The following SMAD4 variants were observed in gnomAD, a reference collection of about 807,000 sequenced individuals.
SMAD4 encodes the protein SMAD family member 4, also known as MAD homolog 4.
SMAD4 carries 7 observed loss-of-function variants against 63.2 expected under a neutral mutation model. The observed-to-expected ratio is 0.11, with a 90% CI of 0.06 to 0.21. The LOEUF (loss-of-function observed/expected upper bound fraction) is 0.21. Ranked by LOEUF, SMAD4 falls within the 10% of genes least tolerant of loss-of-function variation. The probability of loss-of-function intolerance (pLI) is 1.00; values close to 1 mark genes in which losing one functional copy is unlikely to be tolerated. For synonymous variants in SMAD4, 215 were observed against 235.4 expected (o/e 0.91, Z 0.79); for missense variants, 312 against 693.8 (o/e 0.45, Z 6.18).
intron 1 of SMAD4, among the ~76,000 whole-genome samples, chr18:51,033,200 T>C (rs1164346749): frequency 1.3e-5 from 2 of 150,028 alleles, no homozygotes; most frequent in Non-Finnish European, 3.0e-5. Context: ...TTTTTTTTTT[T>C]TTTTTTTGAG....
At chr18:51,038,086 C>T (rs1020481574) in intron 1 of SMAD4, among the ~76,000 whole-genome samples, 8 of 152,040 alleles carry the variant, frequency 5.3e-5, no homozygotes, top group Non-Finnish European at 1.0e-4. Context: ...GCCAAGAGTT[C>T]GAGACCCTGT....
chr18:51,062,848 C>CTTGTT (rs1910051853), intron 8 of SMAD4, among the ~76,000 whole-genome samples: 3 of 83,596 alleles, frequency 3.6e-5, no homozygotes, highest in Non-Finnish European at 7.4e-5. Context: ...TCTGGCTTTA[C>CTTGTT]TTGTTTTTTT....
intron 1 of SMAD4, among the ~76,000 whole-genome samples, chr18:51,046,543 A>G (rs1221927876): frequency 6.6e-6 from 1 of 151,642 alleles, no homozygotes; most frequent in African/African-American, 2.4e-5. Context: ...TTAGTAATAG[A>G]CTTTTAGGTT....
Position 51,080,859 on chromosome 18 carries a change from C to CT in SMAD4, c.*2395dup, listed in dbSNP as rs1910595760. The CT allele has an allele frequency of 5.5e-6, 1 of 180,350 alleles. No homozygotes were observed. The highest frequency in any genetic ancestry group is 2.4e-5 in the African/African-American group (1 of 42,414). 11.2% of individuals were successfully genotyped at this position (180,350 alleles called of 1,614,324 possible). A position where few individuals can be genotyped will look rare whatever the true frequency, so the allele number is the denominator to read the frequency against. On this transcript the variant is annotated 3_prime_UTR_variant, in exon 12 of 12. Transcript: ENST00000342988. ...CCTGGCCTCATTGTTCCCTTTTCTA[C>CT]TTTAAGGAAAGTTTTCATGTTTAAT...
intron 1 of SMAD4, among the ~76,000 whole-genome samples, chr18:51,043,898 A>G (rs1309092308): frequency 1.3e-5 from 2 of 152,246 alleles, no homozygotes; most frequent in African/African-American, 4.8e-5. Flanking sequence ...ATTCCACAGA[A>G]TAAAAAGCTA....
rs1910668003 is a variant in SMAD4, at chr18:51,083,734, G to A, written c.*5267G>A. The A allele has an allele frequency of 8.7e-6, 2 of 229,178 alleles. No homozygotes were observed. The highest frequency in any genetic ancestry group is 1.8e-4 in the South Asian group (1 of 5,466). The allele number at this position is 229,178 out of a possible 1,614,324, so 14.2% of individuals were successfully genotyped here. On this transcript the variant is annotated 3_prime_UTR_variant, in exon 12 of 12. Coordinates refer to ENST00000342988, the MANE Select transcript of SMAD4 (RefSeq NM_005359.6). ...TTAGTTGCCTCATCTGTAAAATGAG[G>A]GAGTTGGAGTAGATTAATTATTCCA...
In SMAD4 at chr18:51,046,932, A is replaced by T; in HGVS notation, c.-115A>T. ...TTTTCTTTTTTAGGTTATCCTGAAT[A>T]CATGTCTAACAATTTTCCTTGCAAC... On this transcript the variant is annotated 5_prime_UTR_variant, in exon 2 of 12. Transcript: ENST00000342988. The T allele has an allele frequency of 1.1e-6, 1 of 872,880 alleles. No individual in the cohort carries two copies. The highest frequency in any genetic ancestry group is 1.9e-6 in the Non-Finnish European group (1 of 539,598). The allele number at this position is 872,880 out of a possible 1,614,324, so 54.1% of individuals were successfully genotyped here.
Position 51,081,995 on chromosome 18 carries a change from A to T in SMAD4, c.*3528A>T. 4.3e-6 allele frequency: 1 copy of T among 231,974 alleles called. No individual in the cohort carries two copies. Among genetic ancestry groups the T allele is most frequent in the Non-Finnish European group, 8.5e-6 (1 of 117,322 alleles). 14.4% of individuals were successfully genotyped at this position (231,974 alleles called of 1,614,324 possible). A position where few individuals can be genotyped will look rare whatever the true frequency, so the allele number is the denominator to read the frequency against. On this transcript the variant is annotated 3_prime_UTR_variant, in exon 12 of 12. Transcript: ENST00000342988. Reference sequence around the variant, plus strand: ...ACACCCTTTCTGAGAGCCTTTTGGGAGAAGCAGTTTTATTCTCTGAGTGGA... The same window carrying T: ...ACACCCTTTCTGAGAGCCTTTTGGGTGAAGCAGTTTTATTCTCTGAGTGGA...
chr18:51,047,106 G>A lies in SMAD4; in HGVS notation c.60G>A (p.Val20=), dbSNP rs1057520442. 1 of 1,613,810 alleles carries A rather than the reference G, an allele frequency of 6.2e-7. No individual in the cohort carries two copies. The highest frequency in any genetic ancestry group is 1.1e-5 in the South Asian group (1 of 91,070). ...PTSNDACLSI[V]HSLMCHRQGG... is the part of the protein sequence containing the mutation. ...GTAATGATGCCTGTCTGAGCATTGTGCATAGTTTGATGTGCCATAGACAAG... is the reference window on the plus strand; with the variant it reads ...GTAATGATGCCTGTCTGAGCATTGTACATAGTTTGATGTGCCATAGACAAG... Residue 20 remains valine (V), a synonymous_variant, in exon 2 of 12, where the codon GTG becomes GTA. Transcript: ENST00000342988.
intron 8 of SMAD4, among the ~76,000 whole-genome samples, chr18:51,062,574 A>C (rs549509871): frequency 3.3e-5 from 5 of 152,102 alleles, no homozygotes; most frequent in Admixed American, 3.3e-4. Flanking sequence ...AATTCGGCTC[A>C]CTGCAACCTC....
intron 10 of SMAD4, among the ~76,000 whole-genome samples, chr18:51,072,708 G>A (rs564407905): frequency 6.6e-6 from 1 of 152,196 alleles, no homozygotes; most frequent in East Asian, 1.9e-4. Flanking sequence ...GTTAAGTAAC[G>A]GTTTTGTAAT....
intron 1 of SMAD4, among the ~76,000 whole-genome samples, chr18:51,036,726 C>T (rs1182632566): frequency 1.3e-5 from 2 of 152,174 alleles, no homozygotes; most frequent in Non-Finnish European, 2.9e-5. Context: ...GTACCTCAGA[C>T]TTCCAGAGTG....
At position 51,048,823 on chromosome 18, in the gene SMAD4, T is replaced by C. The variant is rs150229208; in HGVS notation, c.387T>C (p.Asn129=). The change falls in exon 3 of 12, where the codon AAT becomes AAC. Residue 129 remains asparagine, a synonymous_variant. Transcript: ENST00000342988. ...FDLKCDSVCV[N]PYHYERVVSP... ...TAAAATGTGATAGTGTCTGTGTGAA[T>C]CCATATCACTACGAACGAGTTGTAT... 6.2e-6 allele frequency: 10 copies of C among 1,613,900 alleles called. No individual in the cohort carries two copies. The highest frequency in any genetic ancestry group is 8.5e-6 in the Non-Finnish European group (10 of 1,179,908).
chr18:51,055,128 G>A (rs1234785807), intron 5 of SMAD4, 135 bp downstream of exon 5: 5 of 727,252 alleles, frequency 6.9e-6, no homozygotes, highest in South Asian at 5.8e-5. Flanking sequence ...AGGTAAACAG[G>A]TATTAAACAG....
At chr18:51,054,139 A>G (rs996063684) in intron 4 of SMAD4, 7 of 153,520 alleles carry the variant, frequency 4.6e-5, no homozygotes, top group African/African-American at 1.2e-4. Flanking sequence ...TTCTCACACC[A>G]TATATTAATC....
At chr18:51,039,298 G>C (rs1909303674) in intron 1 of SMAD4, among the ~76,000 whole-genome samples, 1 of 152,202 alleles carries the variant, frequency 6.6e-6, no homozygotes, top group African/African-American at 2.4e-5. Flanking sequence ...GAACATGTAA[G>C]AGTCAGACTT....
intron 1 of SMAD4, among the ~76,000 whole-genome samples, chr18:51,035,069 T>C (rs1909164772): frequency 6.6e-6 from 1 of 152,348 alleles, no homozygotes; most frequent in Non-Finnish European, 1.5e-5. Flanking sequence ...ACATGTACAG[T>C]GTAGCCATCT....
At chr18:51,056,221 G>A (rs972605213) in intron 5 of SMAD4, among the ~76,000 whole-genome samples, 2 of 152,104 alleles carry the variant, frequency 1.3e-5, no homozygotes, top group African/African-American at 4.8e-5. Flanking sequence ...CCACTTGAAC[G>A]TAGATTAGTG....
Position 51,084,866 on chromosome 18 carries a change from A to G in SMAD4, c.*6399A>G, listed in dbSNP as rs1180811156. 8.9e-6 allele frequency: 2 copies of G among 224,908 alleles called. No individual in the cohort carries two copies. The highest frequency in any genetic ancestry group is 4.5e-5 in the African/African-American group (2 of 44,882). The allele number at this position is 224,908 out of a possible 1,614,324, so 13.9% of individuals were successfully genotyped here. A position where few individuals can be genotyped will look rare whatever the true frequency, so the allele number is the denominator to read the frequency against. Reference sequence around the variant, plus strand: ...ATGCAGCTATGCCAGAAGCCAGAGAAGAGCCACTCGTAGCTTCTGCTTTGG... The same window carrying G: ...ATGCAGCTATGCCAGAAGCCAGAGAGGAGCCACTCGTAGCTTCTGCTTTGG... On this transcript the variant is annotated 3_prime_UTR_variant, in exon 12 of 12. Transcript: ENST00000342988.
Sources: allele counts gnomAD v4.1 joint callset (sites outside exome capture counted in the v4.1 genomes callset), GRCh38; gene constraint gnomAD v4.1.1; transcripts MANE v1.5; gene names NCBI Gene and HGNC (gene_info 2026-07-23, HGNC 2026-07-21).